ANKFN1: variants seen among roughly 807,000 people sequenced by gnomAD.
ANKFN1 encodes the protein ankyrin repeat and fibronectin type III domain containing 1.
In ANKFN1, 74 loss-of-function variants were observed where a neutral mutation model predicts 108.7. The observed-to-expected ratio is 0.68, with a 90% CI of 0.56 to 0.83. The LOEUF (loss-of-function observed/expected upper bound fraction) is 0.83, where lower values mean the gene tolerates loss of function less well. Among genes scored for constraint, ANKFN1 ranks in the 40% least tolerant of loss-of-function variants. The pLI is 0.00. For synonymous variants in ANKFN1, 547 were observed against 516.2 expected, an observed-to-expected ratio of 1.06 and a Z score of -0.81; for missense variants, 1,505 against 1,382.3, an observed-to-expected ratio of 1.09 and a Z score of -1.41.
In ANKFN1 at chr17:56,068,070, G is replaced by A. The variant is rs532916680; in HGVS notation, c.288+21745G>A. 2.6e-5 allele frequency among the ~76,000 whole-genome samples: 4 copies of A among 152,126 alleles called. No homozygotes were observed. In the East Asian group the frequency reaches 5.8e-4, roughly 22 times the overall value. ...ATTCCTTATTACTGCCCAAATATGC[G>A]GTGCACTCCTGGGCTTCCCAGCCTT... On this transcript the variant is annotated intron_variant, in intron 4 of 12. Transcript: ENST00000635860.
intron 4 of ANKFN1, among the ~76,000 whole-genome samples, chr17:56,123,098 C>T (rs1481405813): frequency 6.6e-6 from 1 of 152,232 alleles, no homozygotes; most frequent in East Asian, 1.9e-4. Flanking sequence ...ATTTCCCCTA[C>T]TTTATACACA....
chr17:56,268,727 C>A (rs915820294), intron 3 of ANKFN1, among the ~76,000 whole-genome samples: 1 of 151,886 alleles, frequency 6.6e-6, no homozygotes, highest in Admixed American at 6.6e-5. Context: ...CATCTTGTTT[C>A]CACAGACAAG....
chr17:56,153,669 G>A, intron 1 of ANKFN1, 139 bp downstream of exon 1: 1 of 1,181,474 alleles, frequency 8.5e-7, no homozygotes, highest in Non-Finnish European at 1.2e-6. Flanking sequence ...CAGGCAGAGG[G>A]AAAGCTGGTT....
intron 3 of ANKFN1, among the ~76,000 whole-genome samples, chr17:56,250,567 T>G (rs889513250): frequency 6.6e-6 from 1 of 152,378 alleles, no homozygotes; most frequent in East Asian, 1.9e-4. Context: ...GTATTTTTTC[T>G]TAAAGCATCT....
At chr17:56,171,919 C>A (rs779930593) in intron 1 of ANKFN1, among the ~76,000 whole-genome samples, 3 of 152,054 alleles carry the variant, frequency 2.0e-5, no homozygotes, top group Non-Finnish European at 4.4e-5. Context: ...TATTTATCAC[C>A]CTAACATTTA....
intron 1 of ANKFN1, among the ~76,000 whole-genome samples, chr17:56,167,896 C>T (rs1025616606): frequency 6.6e-6 from 1 of 152,140 alleles, no homozygotes; most frequent in Non-Finnish European, 1.5e-5. Flanking sequence ...ATAGACCCAA[C>T]CTCAGTGGGC....
At chr17:56,367,795 A>T (rs1458681009) in intron 6 of ANKFN1, among the ~76,000 whole-genome samples, 1 of 152,244 alleles carries the variant, frequency 6.6e-6, no homozygotes, top group Admixed American at 6.5e-5. Flanking sequence ...AGAGAAGTGG[A>T]TGGGCAGGAA....
intron 16 of ANKFN1, among the ~76,000 whole-genome samples, chr17:56,480,157 G>A (rs1289568917): frequency 2.0e-5 from 3 of 152,208 alleles, no homozygotes; most frequent in Non-Finnish European, 2.9e-5. Context: ...TGGTATTCCT[G>A]TTTGTGATTC....
rs148747794 is a variant in ANKFN1, at chr17:56,413,304, C to T, written c.911-27023C>T. Among the ~76,000 whole-genome samples the T allele has an allele frequency of 3.4e-3, 514 of 152,260 alleles. 4 individuals carry two copies. Among genetic ancestry groups the T allele is most frequent in the African/African-American group, 0.012 (490 of 41,552 alleles). ...CTGAGACTTTGCTGAAGTCGTTTAT[C>T]AGCTGAAGCAACTTTGGGGCCAAGA... is the stretch of plus-strand genomic sequence containing the variant. On this transcript the variant is annotated intron_variant, in intron 8 of 20. Transcript: ENST00000682825.
At chr17:56,243,505 C>T (rs1178725490) in intron 3 of ANKFN1, among the ~76,000 whole-genome samples, 1 of 152,146 alleles carries the variant, frequency 6.6e-6, no homozygotes. Flanking sequence ...TTTCTGCCTC[C>T]TTTGAGAAAC....
intron 3 of ANKFN1, among the ~76,000 whole-genome samples, chr17:56,314,560 A>G (rs540454330): frequency 6.6e-6 from 1 of 152,324 alleles, no homozygotes; most frequent in South Asian, 2.1e-4. Context: ...CTATTGTAAT[A>G]TGACTATTCT....
chr17:56,119,304 T>A (rs1315549801), intron 4 of ANKFN1, among the ~76,000 whole-genome samples: 1 of 152,136 alleles, frequency 6.6e-6, no homozygotes, highest in African/African-American at 2.4e-5. Flanking sequence ...GAGCTTGTAA[T>A]GCTCCTGAAG....
At chr17:56,329,143 G>C (rs2045597028) in intron 4 of ANKFN1, among the ~76,000 whole-genome samples, 1 of 152,154 alleles carries the variant, frequency 6.6e-6, no homozygotes, top group African/African-American at 2.4e-5. Flanking sequence ...GTTGGGTACA[G>C]GTTAAAGTCT....
intron 4 of ANKFN1, among the ~76,000 whole-genome samples, chr17:56,074,640 C>T (rs773254791): frequency 3.2e-4 from 49 of 152,178 alleles, no homozygotes; most frequent in Non-Finnish European, 5.7e-4. Flanking sequence ...GCCTTAGTAG[C>T]ATTTGTTTTT....
At chr17:56,130,832 G>T (rs1907238542) in intron 4 of ANKFN1, among the ~76,000 whole-genome samples, 1 of 152,086 alleles carries the variant, frequency 6.6e-6, no homozygotes, top group African/African-American at 2.4e-5. Context: ...AAGCAGTTTT[G>T]CCTCCAAAAG....
chr17:56,057,414 A>G (rs1298383943), intron 4 of ANKFN1, among the ~76,000 whole-genome samples: 1 of 152,202 alleles, frequency 6.6e-6, no homozygotes. Context: ...CTTAAGAAGT[A>G]TATTTCTTAA....
intron 3 of ANKFN1, among the ~76,000 whole-genome samples, chr17:56,268,151 C>T (rs2043702552): frequency 6.6e-6 from 1 of 152,176 alleles, no homozygotes; most frequent in African/African-American, 2.4e-5. Flanking sequence ...ACACATGGCA[C>T]ATACTTTAAA....
At chr17:56,198,488 T>C (rs767160075) in intron 1 of ANKFN1, among the ~76,000 whole-genome samples, 8 of 152,134 alleles carry the variant, frequency 5.3e-5, no homozygotes, top group Non-Finnish European at 1.2e-4. Context: ...CACCCACTGC[T>C]CACCTCCTGC....
At chr17:56,322,657 C>T (rs1333651285) in intron 3 of ANKFN1, among the ~76,000 whole-genome samples, 2 of 152,196 alleles carry the variant, frequency 1.3e-5, no homozygotes, top group African/African-American at 2.4e-5. Flanking sequence ...GCCGTGACGC[C>T]GAACCTGTTT....
Sources: allele counts gnomAD v4.1 joint callset (sites outside exome capture counted in the v4.1 genomes callset), GRCh38; gene constraint gnomAD v4.1.1; transcripts MANE v1.5; gene names NCBI Gene and HGNC (gene_info 2026-07-23, HGNC 2026-07-21).